Variants in NTM observed in about 807,000 individuals in gnomAD.
The protein encoded by NTM is IgLON family member 2.
Under a neutral mutation model 42.1 loss-of-function variants are expected in NTM, and 13 were observed. The observed-to-expected ratio is 0.31, with a 90% CI of 0.20 to 0.49. The LOEUF (loss-of-function observed/expected upper bound fraction) is 0.49, where lower values mean the gene tolerates loss of function less well. Among genes scored for constraint, NTM ranks in the 20% least tolerant of loss-of-function variants. The pLI, the probability that NTM is intolerant of heterozygous loss-of-function variation, is 0.99. For missense variants in NTM, 373 were observed against 452.8 expected, an observed-to-expected ratio of 0.82 and a Z score of 1.60; for synonymous variants, 187 against 179.2, an observed-to-expected ratio of 1.04 and a Z score of -0.35.
At position 132,310,271 on chromosome 11, in the gene NTM, T is replaced by A. The variant is rs773744842; in HGVS notation, c.782+39T>A. On this transcript the variant is annotated intron_variant, in intron 6 of 8. Coordinates refer to ENST00000683400, the MANE Select transcript of NTM (RefSeq NM_001352005.2). ...CTTTCCTATCCCACCCCTACCCCCA[T>A]CTCCAGGAGAAACTTTTCCAGGGTC... 35 of 1,527,432 alleles carry A rather than the reference T, an allele frequency of 2.3e-5. No homozygotes were observed. In the South Asian group the frequency reaches 4.5e-4, roughly 20 times the overall value. 94.6% of individuals were successfully genotyped at this position (1,527,432 alleles called of 1,614,324 possible).
intron 1 of NTM, among the ~76,000 whole-genome samples, chr11:131,629,347 G>C (rs2063433923): frequency 6.6e-6 from 1 of 152,198 alleles, no homozygotes; most frequent in South Asian, 2.1e-4. Flanking sequence ...GTCAGGCTTT[G>C]ACCTGAGCCC....
chr11:131,938,665 G>T lies in NTM; in HGVS notation c.167+27017G>T, dbSNP rs114260535. Among the ~76,000 whole-genome samples the T allele has an allele frequency of 6.4e-3, 968 of 152,358 alleles. 6 individuals carry two copies. The highest frequency in any genetic ancestry group is 0.022 in the African/African-American group (934 of 41,570). ...AAAGGTGGGTGGGGCAGGGTGACAA[G>T]AAAATACTGTTCCGGAGCTTCCTGT... On this transcript the variant is annotated intron_variant, in intron 2 of 8. Coordinates refer to ENST00000683400, the MANE Select transcript of NTM (RefSeq NM_001352005.2).
chr11:132,204,622 G>T (rs1029574476), intron 3 of NTM, among the ~76,000 whole-genome samples: 5 of 152,182 alleles, frequency 3.3e-5, no homozygotes, highest in Non-Finnish European at 7.3e-5. Flanking sequence ...TGGGCTTGAG[G>T]CATTTGAAGA....
intron 1 of NTM, among the ~76,000 whole-genome samples, chr11:131,596,293 T>G (rs2059803906): frequency 6.6e-6 from 1 of 152,252 alleles, no homozygotes; most frequent in South Asian, 2.1e-4. Flanking sequence ...AGTGAGAGTC[T>G]AGGGATCAGC....
intron 4 of NTM, among the ~76,000 whole-genome samples, chr11:132,253,549 G>A (rs1477798697): frequency 1.3e-5 from 2 of 152,142 alleles, no homozygotes; most frequent in Non-Finnish European, 2.9e-5. Flanking sequence ...GCTAGCTCTA[G>A]GAAAACAAAA....
rs147026195 is a variant in NTM, at chr11:131,866,208, C to A, written c.83-45356C>A. 6.2e-4 allele frequency among the ~76,000 whole-genome samples: 95 copies of A among 152,358 alleles called. 2 individuals carry two copies. The East Asian group carries it at 0.017, about 28-fold the overall frequency. On this transcript the variant is annotated intron_variant, in intron 1 of 8. Coordinates refer to ENST00000683400, the MANE Select transcript of NTM (RefSeq NM_001352005.2). ...GCTGTTCACACCCTCATGCTGCACA[C>A]ACACATGCATGCGTTGGCAGGTGCT...
At position 131,558,361 on chromosome 11, in the gene NTM, G is replaced by A. The variant is rs944762381; in HGVS notation, c.82+187473G>A. On this transcript the variant is annotated intron_variant, in intron 1 of 8. Transcript: ENST00000683400. ...AATATCCATACCCATCCAGCAGCCC[G>A]TCATGATTCAGATTGTCAGGGAATT... Among the ~76,000 whole-genome samples, 49 of 152,128 alleles carry A rather than the reference G, an allele frequency of 3.2e-4. 1 individual carries two copies. The highest frequency in any genetic ancestry group is 3.0e-3 in the Admixed American group (46 of 15,276).
chr11:131,533,854 T>C (rs1465130012), intron 1 of NTM: 1 of 152,212 alleles, frequency 6.6e-6, no homozygotes, highest in Non-Finnish European at 1.5e-5. Context: ...GCCAATGATA[T>C]CTAAGAACTA....
At chr11:131,721,786 C>T (rs1322993833) in intron 1 of NTM, among the ~76,000 whole-genome samples, 2 of 151,770 alleles carry the variant, frequency 1.3e-5, no homozygotes, top group African/African-American at 4.8e-5. Context: ...CGTCTGAGGT[C>T]GGGAGTTTGA....
chr11:131,422,193 C>G (rs1947606160), intron 1 of NTM, among the ~76,000 whole-genome samples: 1 of 127,242 alleles, frequency 7.9e-6, no homozygotes, highest in African/African-American at 2.8e-5. Context: ...GCAGGGATAG[C>G]TGGGACATCT....
At chr11:132,040,899 A>T (rs921538730) in intron 2 of NTM, among the ~76,000 whole-genome samples, 1 of 152,088 alleles carries the variant, frequency 6.6e-6, no homozygotes, top group Non-Finnish European at 1.5e-5. Context: ...GTTGCCTGAC[A>T]CTCAATGTCC....
At chr11:131,413,074 T>C (rs1007736414) in intron 1 of NTM, among the ~76,000 whole-genome samples, 3 of 152,168 alleles carry the variant, frequency 2.0e-5, no homozygotes, top group Non-Finnish European at 4.4e-5. Flanking sequence ...TTCACACAAC[T>C]CTTTGGTCCC....
intron 1 of NTM, among the ~76,000 whole-genome samples, chr11:131,714,319 G>T (rs1037563756): frequency 6.6e-6 from 1 of 152,058 alleles, no homozygotes; most frequent in Non-Finnish European, 1.5e-5. Flanking sequence ...CTCCCAAGTA[G>T]CTGGGACTTC....
intron 1 of NTM, among the ~76,000 whole-genome samples, chr11:131,409,520 A>G (rs1249608620): frequency 6.6e-6 from 1 of 152,208 alleles, no homozygotes; most frequent in Non-Finnish European, 1.5e-5. Context: ...AGAAACAGAA[A>G]ACAAAACCTG....
At chr11:131,701,291 C>T (rs1783232078) in intron 1 of NTM, among the ~76,000 whole-genome samples, 1 of 152,190 alleles carries the variant, frequency 6.6e-6, no homozygotes, top group Non-Finnish European at 1.5e-5. Context: ...GCCACCTACC[C>T]ACAGGGCCAT....
chr11:132,278,721 C>G (rs2093834432), intron 4 of NTM, among the ~76,000 whole-genome samples: 1 of 150,556 alleles, frequency 6.6e-6, no homozygotes, highest in Non-Finnish European at 1.5e-5. Flanking sequence ...TTTGGAATGT[C>G]TTTCTTAACC....
intron 3 of NTM, among the ~76,000 whole-genome samples, chr11:132,211,357 A>G (rs2082803055): frequency 6.6e-6 from 1 of 152,180 alleles, no homozygotes; most frequent in African/African-American, 2.4e-5. Flanking sequence ...CCATATTTGC[A>G]CCACTGCACT....
At chr11:132,066,166 T>C (rs761204942) in intron 2 of NTM, among the ~76,000 whole-genome samples, 1 of 152,204 alleles carries the variant, frequency 6.6e-6, no homozygotes, top group African/African-American at 2.4e-5. Context: ...TTCAGCACCA[T>C]GAATTTCATG....
intron 1 of NTM, among the ~76,000 whole-genome samples, chr11:131,867,180 T>C (rs2047304135): frequency 6.6e-6 from 1 of 152,252 alleles, no homozygotes; most frequent in South Asian, 2.1e-4. Context: ...ATTTACGCTT[T>C]GTGCAGGGCT....
Sources: allele counts gnomAD v4.1 joint callset (sites outside exome capture counted in the v4.1 genomes callset), GRCh38; gene constraint gnomAD v4.1.1; transcripts MANE v1.5; gene names NCBI Gene and HGNC (gene_info 2026-07-23, HGNC 2026-07-21).